UNC5D: variants seen among roughly 807,000 people sequenced by gnomAD.
UNC5D encodes unc-5 netrin receptor D, also known as netrin receptor UNC5D.
A neutral mutation model predicts 105.4 loss-of-function variants in UNC5D; 39 were observed. The observed-to-expected ratio is 0.37, with a 90% CI of 0.29 to 0.48. The LOEUF is 0.48. Among genes scored for constraint, UNC5D ranks in the 20% least tolerant of loss-of-function variants. UNC5D has a pLI of 0.98. For missense variants in UNC5D, 991 were observed against 1,202.4 expected (o/e 0.82, Z 2.60); for synonymous variants, 452 against 450.4 (o/e 1.00, Z -0.04).
At chr8:35,445,756 C>CTA in intron 1 of UNC5D, among the ~76,000 whole-genome samples, 1 of 152,128 alleles carries the variant, frequency 6.6e-6, no homozygotes, top group East Asian at 1.9e-4. Context: ...CATCAGCAAA[C>CTA]TATAGGTGGT....
intron 1 of UNC5D, among the ~76,000 whole-genome samples, chr8:35,327,784 C>G (rs1563316728): frequency 6.6e-6 from 1 of 152,124 alleles, no homozygotes; most frequent in Non-Finnish European, 1.5e-5. Flanking sequence ...GTTCCAAGCT[C>G]CCAGCTGGTC....
chr8:35,766,972 A>G lies in UNC5D; in HGVS notation c.2384A>G (p.Tyr795Cys), dbSNP rs1801801423. ...PLHCAFSLER[Y>C]TPTTTQLSCK... ...CACTGTGCCTTCTCCCTGGAGCGTT[A>G]TACGCCCACTACCACCCAGCTGTCC... Residue 795 changes from tyrosine (Y) to cysteine (C), a missense_variant, in exon 15 of 17, where the codon TAT becomes TGT. Around this residue, in one of 3 missense-constraint regions of UNC5D, gnomAD observed 944 missense variants for 1,131.6 expected, o/e 0.83. Coordinates refer to ENST00000404895, the MANE Select transcript of UNC5D (RefSeq NM_080872.4). 1.2e-6 allele frequency: 2 copies of G among 1,614,054 alleles called. No individual in the cohort carries two copies. The highest frequency in any genetic ancestry group is 1.7e-6 in the Non-Finnish European group (2 of 1,179,974).
chr8:35,626,430 T>A (rs1821702806), intron 4 of UNC5D, among the ~76,000 whole-genome samples: 1 of 152,164 alleles, frequency 6.6e-6, no homozygotes, highest in South Asian at 2.1e-4. Context: ...AACTCTCTGA[T>A]TAGCTATATG....
At chr8:35,669,523 T>G (rs977819116) in intron 4 of UNC5D, among the ~76,000 whole-genome samples, 1 of 152,054 alleles carries the variant, frequency 6.6e-6, no homozygotes, top group Non-Finnish European at 1.5e-5. Flanking sequence ...TTTTACCCCC[T>G]AATTCCTTTA....
At chr8:35,630,686 A>AG (rs1293284570) in intron 4 of UNC5D, among the ~76,000 whole-genome samples, 2 of 152,022 alleles carry the variant, frequency 1.3e-5, no homozygotes, top group African/African-American at 2.4e-5. Flanking sequence ...TTGCTCATCT[A>AG]GTGATTCGTA....
chr8:35,440,087 C>G (rs1259486787), intron 1 of UNC5D, among the ~76,000 whole-genome samples: 1 of 152,044 alleles, frequency 6.6e-6, no homozygotes, highest in Non-Finnish European at 1.5e-5. Context: ...ATACTGTCCT[C>G]AAGTTCAACT....
chr8:35,244,365 T>C (rs946272204), intron 1 of UNC5D, among the ~76,000 whole-genome samples: 79 of 152,138 alleles, frequency 5.2e-4, no homozygotes, highest in African/African-American at 1.9e-3. Context: ...ACTTCACTCA[T>C]AGTCCATTTG....
intron 8 of UNC5D, among the ~76,000 whole-genome samples, chr8:35,718,968 C>A (rs1040055472): frequency 3.9e-5 from 6 of 152,148 alleles, no homozygotes; most frequent in Non-Finnish European, 5.9e-5. Flanking sequence ...CAGGAATGGT[C>A]ATGGGAAAAG....
chr8:35,751,476 G>GTCTT (rs1320665687), intron 13 of UNC5D, among the ~76,000 whole-genome samples: 1 of 152,190 alleles, frequency 6.6e-6, no homozygotes, highest in Non-Finnish European at 1.5e-5. Context: ...GGCTGTTATT[G>GTCTT]TCTTTGTTTC....
intron 4 of UNC5D, among the ~76,000 whole-genome samples, chr8:35,616,980 A>G (rs1412312671): frequency 1.3e-5 from 2 of 152,240 alleles, no homozygotes; most frequent in Non-Finnish European, 2.9e-5. Context: ...AAGGAGCTGC[A>G]GATCTGTAAT....
chr8:35,277,746 A>C (rs1280800229), intron 1 of UNC5D, among the ~76,000 whole-genome samples: 3 of 152,174 alleles, frequency 2.0e-5, no homozygotes. Context: ...TAAAATAATA[A>C]ATTTAAAATA....
intron 1 of UNC5D, among the ~76,000 whole-genome samples, chr8:35,372,378 C>T (rs1465618047): frequency 1.3e-5 from 2 of 152,118 alleles, no homozygotes; most frequent in Non-Finnish European, 2.9e-5. Flanking sequence ...CCCACCTTGG[C>T]CTCCCAAAGT....
chr8:35,612,494 A>G (rs1489442948), intron 4 of UNC5D, among the ~76,000 whole-genome samples: 1 of 152,050 alleles, frequency 6.6e-6, no homozygotes. Context: ...GCTTTTGAGA[A>G]GAGGAAATGA....
At chr8:35,487,164 C>A (rs1272186887) in intron 1 of UNC5D, among the ~76,000 whole-genome samples, 1 of 149,864 alleles carries the variant, frequency 6.7e-6, no homozygotes, top group East Asian at 1.9e-4. Flanking sequence ...TGAGTCACAG[C>A]ATTCCTGATG....
chr8:35,534,400 A>T (rs1429505427), intron 1 of UNC5D, among the ~76,000 whole-genome samples: 2 of 152,070 alleles, frequency 1.3e-5, no homozygotes, highest in Non-Finnish European at 2.9e-5. Flanking sequence ...TCTAATTTGC[A>T]GTTATGATGT....
chr8:35,394,192 A>G (rs913342746), intron 1 of UNC5D, among the ~76,000 whole-genome samples: 11 of 152,362 alleles, frequency 7.2e-5, no homozygotes, highest in African/African-American at 2.4e-4. Flanking sequence ...TTTGTCATAT[A>G]ATTCTTTATG....
intron 11 of UNC5D, among the ~76,000 whole-genome samples, chr8:35,737,846 C>A (rs140515057): frequency 0.039 from 5,967 of 152,238 alleles, 280 homozygotes; most frequent in African/African-American, 0.11. Context: ...GTGTCTCACG[C>A]TTGTAATCCC....
At chr8:35,538,279 T>C (rs1455875863) in intron 1 of UNC5D, among the ~76,000 whole-genome samples, 9 of 150,884 alleles carry the variant, frequency 6.0e-5, no homozygotes, top group Admixed American at 6.0e-4. Flanking sequence ...CCTAAAAGAA[T>C]TGAGTGGCAG....
At chr8:35,502,838 T>C (rs2130258292) in intron 1 of UNC5D, among the ~76,000 whole-genome samples, 1 of 152,224 alleles carries the variant, frequency 6.6e-6, no homozygotes, top group South Asian at 2.1e-4. Flanking sequence ...GTGCTGGGAT[T>C]ACAGGCGTGA....
Sources: allele counts gnomAD v4.1 joint callset (sites outside exome capture counted in the v4.1 genomes callset), GRCh38; gene constraint gnomAD v4.1.1; regional missense constraint gnomAD v4.1.1; transcripts MANE v1.5; gene names NCBI Gene and HGNC (gene_info 2026-07-23, HGNC 2026-07-21).